The following AKAP12 variants were observed in gnomAD, a reference collection of about 807,000 sequenced individuals.
AKAP12 encodes A-kinase anchoring protein 12.
In AKAP12, 32 loss-of-function variants were observed where a neutral mutation model predicts 79.9. The observed-to-expected ratio is 0.40, with a 90% CI of 0.30 to 0.54. The LOEUF (loss-of-function observed/expected upper bound fraction) is 0.54. AKAP12 is among the 20% of genes least tolerant of loss of function. The pLI is 0.48. For synonymous variants in AKAP12, 808 were observed against 857.0 expected, an observed-to-expected ratio of 0.94 and a Z score of 1.00; for missense variants, 2,074 against 2,177.0, an observed-to-expected ratio of 0.95 and a Z score of 0.94.
At chr6:151,292,940 T>A (rs949273466) in intron 2 of AKAP12, among the ~76,000 whole-genome samples, 2 of 152,224 alleles carry the variant, frequency 1.3e-5, no homozygotes, top group Non-Finnish European at 2.9e-5. Flanking sequence ...CATATCTGTC[T>A]TCATGGTGGA....
intron 2 of AKAP12, among the ~76,000 whole-genome samples, chr6:151,253,169 G>A (rs938558766): frequency 6.6e-6 from 1 of 151,938 alleles, no homozygotes; most frequent in African/African-American, 2.4e-5. Flanking sequence ...TGCTTCATTG[G>A]CTCCTAGTTT....
At chr6:151,326,995 T>TG (rs1777546036) in intron 3 of AKAP12, among the ~76,000 whole-genome samples, 1 of 152,158 alleles carries the variant, frequency 6.6e-6, no homozygotes, top group Admixed American at 6.5e-5. Context: ...TTTTGTATTT[T>TG]TAGTAGAGCC....
intron 3 of AKAP12, among the ~76,000 whole-genome samples, chr6:151,315,063 A>C (rs544226363): frequency 6.6e-6 from 1 of 151,942 alleles, no homozygotes; most frequent in East Asian, 1.9e-4. Flanking sequence ...AGAAAAAAAA[A>C]AAAAAAGATT....
chr6:151,266,940 C>G (rs1002081539), intron 2 of AKAP12, among the ~76,000 whole-genome samples: 3 of 143,878 alleles, frequency 2.1e-5, no homozygotes, highest in African/African-American at 7.6e-5. Context: ...TGGCGTGAAC[C>G]CGGGAGGTGG....
At chr6:151,266,631 T>A (rs1297606195) in intron 2 of AKAP12, among the ~76,000 whole-genome samples, 1 of 152,182 alleles carries the variant, frequency 6.6e-6, no homozygotes, top group African/African-American at 2.4e-5. Flanking sequence ...TTCTGGAAAT[T>A]CAACAAATAA....
intron 2 of AKAP12, among the ~76,000 whole-genome samples, chr6:151,280,159 C>G (rs1776373413): frequency 6.6e-6 from 1 of 151,768 alleles, no homozygotes; most frequent in African/African-American, 2.4e-5. Flanking sequence ...TGCTTAATGG[C>G]TATATGTTCA....
At chr6:151,335,852 T>C (rs1430559997) in intron 3 of AKAP12, among the ~76,000 whole-genome samples, 1 of 152,210 alleles carries the variant, frequency 6.6e-6, no homozygotes, top group Non-Finnish European at 1.5e-5. Flanking sequence ...AGGTTTGGGC[T>C]CTAGTGTACC....
At chr6:151,354,699 C>G (rs948546803) in intron 4 of AKAP12, among the ~76,000 whole-genome samples, 1 of 151,242 alleles carries the variant, frequency 6.6e-6, no homozygotes, top group Admixed American at 6.6e-5. Flanking sequence ...TTTGAGAGAG[C>G]CTTGCTGTGT....
chr6:151,274,575 G>A (rs1776255229), intron 2 of AKAP12, among the ~76,000 whole-genome samples: 1 of 152,152 alleles, frequency 6.6e-6, no homozygotes. Flanking sequence ...AGAAGGTAGG[G>A]ATCTTTAAGC....
At chr6:151,247,399 T>C (rs1797095820) in intron 2 of AKAP12, among the ~76,000 whole-genome samples, 1 of 151,980 alleles carries the variant, frequency 6.6e-6, no homozygotes, top group Admixed American at 6.5e-5. Flanking sequence ...AGACCCTATC[T>C]CTATTTAAAA....
chr6:151,336,281 C>A (rs1004824079), intron 3 of AKAP12, among the ~76,000 whole-genome samples: 11 of 152,144 alleles, frequency 7.2e-5, no homozygotes, highest in Non-Finnish European at 1.5e-4. Flanking sequence ...TGGGTAGATG[C>A]CAAATAATGG....
intron 3 of AKAP12, among the ~76,000 whole-genome samples, chr6:151,337,261 T>G (rs1777838320): frequency 6.6e-6 from 1 of 151,954 alleles, no homozygotes; most frequent in East Asian, 1.9e-4. Flanking sequence ...TCCCAGCACT[T>G]TGAGAGGCCA....
chr6:151,262,410 G>A (rs1344964553), intron 2 of AKAP12, among the ~76,000 whole-genome samples: 1 of 152,180 alleles, frequency 6.6e-6, no homozygotes, highest in Non-Finnish European at 1.5e-5. Context: ...TCAGATAAAT[G>A]TCTACATAAT....
intron 3 of AKAP12, among the ~76,000 whole-genome samples, chr6:151,323,030 G>A (rs757984640): frequency 4.6e-5 from 7 of 152,178 alleles, no homozygotes; most frequent in Non-Finnish European, 8.8e-5. Flanking sequence ...AAAGTCTCCT[G>A]CATTGGACAG....
At chr6:151,291,917 A>G (rs763427269) in intron 2 of AKAP12, among the ~76,000 whole-genome samples, 1 of 152,094 alleles carries the variant, frequency 6.6e-6, no homozygotes, top group Non-Finnish European at 1.5e-5. Context: ...AGTGCCTTCT[A>G]TCTTGAATGC....
At chr6:151,272,450 TTC>T (rs1032701321) in intron 2 of AKAP12, among the ~76,000 whole-genome samples, 2 of 151,998 alleles carry the variant, frequency 1.3e-5, no homozygotes, top group Non-Finnish European at 2.9e-5. Context: ...CCCTTTGCCT[TTC>T]TGTTTTTCGT....
chr6:151,277,154 C>A (rs1562717921), intron 2 of AKAP12, among the ~76,000 whole-genome samples: 1 of 152,192 alleles, frequency 6.6e-6, no homozygotes, highest in Non-Finnish European at 1.5e-5. Context: ...GGTTTCTACA[C>A]ACTGGGGCTC....
intron 3 of AKAP12, among the ~76,000 whole-genome samples, chr6:151,318,320 C>CT (rs1392818422): frequency 6.6e-6 from 1 of 152,174 alleles, no homozygotes; most frequent in African/African-American, 2.4e-5. Context: ...TTATATGGTG[C>CT]TTTTATAGCA....
At chr6:151,241,544 C>G (rs1434091307) in intron 2 of AKAP12, among the ~76,000 whole-genome samples, 1 of 152,190 alleles carries the variant, frequency 6.6e-6, no homozygotes, top group Non-Finnish European at 1.5e-5. Context: ...TGCATTTTAT[C>G]GGCTTCAGTC....
Sources: gnomAD v4.1 joint callset for allele counts (sites outside exome capture counted in the v4.1 genomes callset) on GRCh38, gnomAD v4.1.1 for gene constraint, MANE v1.5 for transcripts, NCBI Gene and HGNC (gene_info 2026-07-23, HGNC 2026-07-21) for gene names.